Variants in KIAA1328 observed in about 807,000 individuals in gnomAD.
The protein encoded by KIAA1328 is KIAA1328.
KIAA1328 carries 52 observed loss-of-function variants against 68.1 expected under a neutral mutation model. That is an observed-to-expected ratio of 0.76 (90% CI 0.61 to 0.96). KIAA1328 has a LOEUF of 0.96. Ranked by LOEUF, KIAA1328 falls within the 40% of genes least tolerant of loss-of-function variation. The pLI is 0.00. For missense variants in KIAA1328, 641 were observed against 677.6 expected, an observed-to-expected ratio of 0.95 and a Z score of 0.60; for synonymous variants, 232 against 239.4, an observed-to-expected ratio of 0.97 and a Z score of 0.28.
At chr18:37,022,873 A>G (rs1035113646) in intron 6 of KIAA1328, among the ~76,000 whole-genome samples, 4 of 152,218 alleles carry the variant, frequency 2.6e-5, no homozygotes, top group African/African-American at 7.2e-5. Flanking sequence ...GCCATCACAC[A>G]TTCTGTTGGC....
At chr18:36,983,081 A>G (rs2052763062) in intron 6 of KIAA1328, among the ~76,000 whole-genome samples, 2 of 152,088 alleles carry the variant, frequency 1.3e-5, no homozygotes, top group Non-Finnish European at 2.9e-5. Context: ...TAGATGGGAC[A>G]AATAGAAATC....
intron 1 of KIAA1328, chr18:36,829,576 A>G: frequency 2.2e-6 from 1 of 460,378 alleles, no homozygotes; most frequent in Non-Finnish European, 3.0e-6. Context: ...TTGAGGGAGG[A>G]GTCGGTGTTG....
chr18:37,073,228 A>C (rs186583091), intron 7 of KIAA1328, among the ~76,000 whole-genome samples: 23 of 152,334 alleles, frequency 1.5e-4, no homozygotes, highest in Non-Finnish European at 1.5e-5. Context: ...TGAACAGGTA[A>C]CCCACACAAT....
At chr18:36,967,804 G>A (rs2052004793) in intron 6 of KIAA1328, among the ~76,000 whole-genome samples, 1 of 152,090 alleles carries the variant, frequency 6.6e-6, no homozygotes, top group African/African-American at 2.4e-5. Context: ...TGGAGTGGGT[G>A]AGTTGAACAG....
chr18:36,998,547 C>T (rs1436915940), intron 6 of KIAA1328, among the ~76,000 whole-genome samples: 1 of 152,204 alleles, frequency 6.6e-6, no homozygotes, highest in Non-Finnish European at 1.5e-5. Context: ...GCTTAGTCCA[C>T]CGCTGCCACC....
chr18:36,928,905 TC>T (rs1453123505), intron 5 of KIAA1328, among the ~76,000 whole-genome samples: 1 of 152,224 alleles, frequency 6.6e-6, no homozygotes, highest in Non-Finnish European at 1.5e-5. Flanking sequence ...ATTCTTATTT[TC>T]TTTGTGTTTC....
intron 5 of KIAA1328, among the ~76,000 whole-genome samples, chr18:36,939,270 T>A (rs1014740590): frequency 5.9e-5 from 9 of 152,210 alleles, no homozygotes; most frequent in Non-Finnish European, 8.8e-5. Context: ...ATTTCCTCAA[T>A]GTTTTATAAT....
chr18:36,928,943 T>C lies in KIAA1328; in HGVS notation c.449-30365T>C, dbSNP rs186989538. ...TTTTGGGTAATTTCTGCTGCCTTAA[T>C]TTCAAGTTCTTATATTCTTTCCCAT... is the stretch of plus-strand genomic sequence containing the variant. On this transcript the variant is annotated intron_variant, in intron 5 of 9. Transcript: ENST00000280020. Among the ~76,000 whole-genome samples, 10 of 152,348 alleles carry C rather than the reference T, an allele frequency of 6.6e-5. No individual in the cohort carries two copies. In the East Asian group the frequency reaches 1.3e-3, roughly 21 times the overall value.
intron 6 of KIAA1328, among the ~76,000 whole-genome samples, chr18:36,975,797 G>T (rs2151344174): frequency 6.6e-6 from 1 of 151,956 alleles, no homozygotes; most frequent in South Asian, 2.1e-4. Flanking sequence ...TCTCTTGTTG[G>T]TCTGTCTTTT....
chr18:37,195,875 G>A (rs2059994651), intron 9 of KIAA1328, among the ~76,000 whole-genome samples: 1 of 152,136 alleles, frequency 6.6e-6, no homozygotes, highest in South Asian at 2.1e-4. Flanking sequence ...CATTGAATCT[G>A]TAAATCACAT....
At chr18:37,000,821 AT>A (rs2053562403) in intron 6 of KIAA1328, among the ~76,000 whole-genome samples, 2 of 152,144 alleles carry the variant, frequency 1.3e-5, no homozygotes, top group Non-Finnish European at 2.9e-5. Flanking sequence ...TAAGATGGAA[AT>A]TTTAAAAAGA....
intron 5 of KIAA1328, among the ~76,000 whole-genome samples, chr18:36,904,268 C>T (rs1469307658): frequency 6.6e-6 from 1 of 151,980 alleles, no homozygotes; most frequent in Non-Finnish European, 1.5e-5. Flanking sequence ...TGGTTCAAAG[C>T]TTCTATATGC....
At chr18:36,932,163 C>A (rs1487630995) in intron 5 of KIAA1328, among the ~76,000 whole-genome samples, 1 of 152,098 alleles carries the variant, frequency 6.6e-6, no homozygotes, top group Non-Finnish European at 1.5e-5. Flanking sequence ...GTATTAGACA[C>A]CTCAGTGATC....
chr18:36,949,572 A>C (rs948199690), intron 5 of KIAA1328, among the ~76,000 whole-genome samples: 18 of 145,036 alleles, frequency 1.2e-4, no homozygotes, highest in Non-Finnish European at 2.1e-4. Flanking sequence ...AAAGCACCTC[A>C]ATTTCAAGTC....
intron 4 of KIAA1328, among the ~76,000 whole-genome samples, chr18:36,846,640 C>T (rs1440112957): frequency 6.6e-6 from 1 of 151,532 alleles, no homozygotes; most frequent in Non-Finnish European, 1.5e-5. Flanking sequence ...TCCCCCATCC[C>T]AGGCAACCAT....
intron 6 of KIAA1328, among the ~76,000 whole-genome samples, chr18:37,003,401 C>T (rs369975294): frequency 1.4e-3 from 210 of 152,184 alleles, no homozygotes; most frequent in African/African-American, 4.8e-3. Context: ...AATCAGACAA[C>T]CTGTTGAATG....
At chr18:36,952,909 T>C (rs1049562618) in intron 5 of KIAA1328, among the ~76,000 whole-genome samples, 5 of 151,622 alleles carry the variant, frequency 3.3e-5, no homozygotes, top group Admixed American at 3.3e-4. Flanking sequence ...GCTTCTCACA[T>C]GATAATTTGT....
At chr18:37,216,899 CT>C (rs762745405) in intron 9 of KIAA1328, among the ~76,000 whole-genome samples, 1,711 of 90,324 alleles carry the variant, frequency 0.019, 21 homozygotes, top group South Asian at 0.052. Context: ...TTCTTTGTCT[CT>C]TTTTTTTTTT....
intron 7 of KIAA1328, among the ~76,000 whole-genome samples, chr18:37,099,068 T>C (rs965852157): frequency 2.6e-5 from 4 of 152,194 alleles, no homozygotes; most frequent in African/African-American, 2.4e-5. Context: ...TTTGTGTCTC[T>C]ATTTCCTTCA....
Sources: gnomAD v4.1 joint callset for allele counts (sites outside exome capture counted in the v4.1 genomes callset) on GRCh38, gnomAD v4.1.1 for gene constraint, MANE v1.5 for transcripts, NCBI Gene and HGNC (gene_info 2026-07-23, HGNC 2026-07-21) for gene names.